SLC4A7: variants seen among roughly 807,000 people sequenced by gnomAD.
The protein encoded by SLC4A7 is sodium bicarbonate cotransporter 3.
In SLC4A7, 51 loss-of-function variants were observed where a neutral mutation model predicts 137.6. That is an observed-to-expected ratio of 0.37 (90% confidence interval 0.30 to 0.47). The LOEUF (loss-of-function observed/expected upper bound fraction) is 0.47, where lower values mean the gene tolerates loss of function less well. Among genes scored for constraint, SLC4A7 ranks in the 20% least tolerant of loss-of-function variants. SLC4A7 has a pLI of 1.00. For missense variants in SLC4A7, 1,247 were observed against 1,525.4 expected, an observed-to-expected ratio of 0.82 and a Z score of 3.04; for synonymous variants, 542 against 518.6, an observed-to-expected ratio of 1.05 and a Z score of -0.61.
chr3:27,386,242 T>C (rs899426631), intron 22 of SLC4A7, among the ~76,000 whole-genome samples: 3 of 149,694 alleles, frequency 2.0e-5, no homozygotes, highest in African/African-American at 4.9e-5. Context: ...AAAAAGGAAA[T>C]GGCATTCTTA....
At chr3:27,413,458 C>A (rs1158713384) in intron 11 of SLC4A7, among the ~76,000 whole-genome samples, 1 of 152,064 alleles carries the variant, frequency 6.6e-6, no homozygotes, top group African/African-American at 2.4e-5. Context: ...GTGAAGATGG[C>A]ACAAAAATCT....
At chr3:27,431,706 C>T (rs755515081) in intron 6 of SLC4A7, 37 bp from the exon 7 acceptor site, 11 of 1,495,120 alleles carry the variant, frequency 7.4e-6, no homozygotes, top group Non-Finnish European at 9.8e-6. Flanking sequence ...TGATGAAGTC[C>T]ACTGCAGAAG....
rs140531598 is a variant in SLC4A7 at position 27,460,393 on chromosome 3, A to C, written c.61-7895T>G. Among the ~76,000 whole-genome samples the C allele has an allele frequency of 2.8e-3, 433 of 152,306 alleles. 2 individuals carry two copies. The highest frequency in any genetic ancestry group is 0.01 in the African/African-American group (418 of 41,576). On this transcript the variant is annotated intron_variant, in intron 1 of 25. Transcript: ENST00000454389. ...ACATTCCATTCAATATTTATAATAA[A>C]GCCTTCTAAGCTCTGTCCTCTGGTT...
chr3:27,413,225 A>G (rs1006409446), intron 11 of SLC4A7, among the ~76,000 whole-genome samples: 1 of 152,174 alleles, frequency 6.6e-6, no homozygotes, highest in African/African-American at 2.4e-5. Flanking sequence ...ACCAAAACTG[A>G]CATCAGAAAA....
chr3:27,395,866 A>C (rs2052099216), intron 18 of SLC4A7, among the ~76,000 whole-genome samples: 1 of 152,254 alleles, frequency 6.6e-6, no homozygotes, highest in Admixed American at 6.5e-5. Flanking sequence ...AAACTGCTTT[A>C]GTCTAGTCCT....
chr3:27,470,802 C>T (rs1327165849), intron 1 of SLC4A7, among the ~76,000 whole-genome samples: 1 of 151,982 alleles, frequency 6.6e-6, no homozygotes, highest in African/African-American at 2.4e-5. Context: ...ATTAGCTGGG[C>T]GTGGTGGCAT....
chr3:27,482,670 G>A (rs990713603), intron 1 of SLC4A7, among the ~76,000 whole-genome samples: 2 of 152,178 alleles, frequency 1.3e-5, no homozygotes, highest in African/African-American at 2.4e-5. Flanking sequence ...TACTCCGGAG[G>A]CTGAGGCGGG....
chr3:27,425,428 G>C (rs2055476813), intron 7 of SLC4A7, among the ~76,000 whole-genome samples: 1 of 142,002 alleles, frequency 7.0e-6, no homozygotes. Flanking sequence ...TGTAATCCCA[G>C]CACTTTGGAA....
chr3:27,473,095 G>C (rs1254782972), intron 1 of SLC4A7, among the ~76,000 whole-genome samples: 2 of 150,780 alleles, frequency 1.3e-5, no homozygotes, highest in African/African-American at 4.9e-5. Flanking sequence ...AAAAAAAAAG[G>C]ATTAGAATCA....
intron 16 of SLC4A7, among the ~76,000 whole-genome samples, chr3:27,398,661 G>A (rs895098872): frequency 1.3e-5 from 2 of 152,068 alleles, no homozygotes; most frequent in African/African-American, 4.8e-5. Context: ...TGAAAGCCTT[G>A]TAGTGAGTAT....
intron 11 of SLC4A7, among the ~76,000 whole-genome samples, chr3:27,412,334 A>C (rs2053980747): frequency 6.6e-6 from 1 of 152,224 alleles, no homozygotes; most frequent in South Asian, 2.1e-4. Flanking sequence ...AACTTGTTAC[A>C]TCAAGAGATG....
intron 7 of SLC4A7, among the ~76,000 whole-genome samples, chr3:27,429,945 G>A (rs1188889461): frequency 6.6e-6 from 1 of 152,140 alleles, no homozygotes; most frequent in Admixed American, 6.5e-5. Context: ...GCTGGGCCTG[G>A]TGACTCACAC....
intron 1 of SLC4A7, among the ~76,000 whole-genome samples, chr3:27,474,727 C>G (rs1292250240): frequency 6.6e-6 from 1 of 152,140 alleles, no homozygotes; most frequent in Non-Finnish European, 1.5e-5. Flanking sequence ...GTGCGAGCCT[C>G]TGTCTCAAAA....
rs1238826483 is a variant in SLC4A7 at position 27,372,745 on chromosome 3, T to C, written c.*4019A>G. 1 of 152,604 alleles carries C rather than the reference T, an allele frequency of 6.6e-6. No homozygotes were observed. Among genetic ancestry groups the C allele is most frequent in the East Asian group, 1.9e-4 (1 of 5,192 alleles). 9.5% of individuals were successfully genotyped at this position (152,604 alleles called of 1,614,324 possible). A position where few individuals can be genotyped will look rare whatever the true frequency, so the allele number is the denominator to read the frequency against. ...AACTAATTAAGTAGACTTTTATTGC[T>C]CAATCAACTTCAGTAACATCTCCAA... On this transcript the variant is annotated 3_prime_UTR_variant, in exon 26 of 26. Transcript: ENST00000454389.
chr3:27,381,162 C>T (rs2050380042), intron 24 of SLC4A7, among the ~76,000 whole-genome samples: 1 of 152,168 alleles, frequency 6.6e-6, no homozygotes, highest in Non-Finnish European at 1.5e-5. Context: ...AACACAGCCA[C>T]ATTAATCATG....
chr3:27,478,511 C>CAA lies in SLC4A7; in HGVS notation c.60+5554_60+5555dup, dbSNP rs34313327. ...CCTGGGCAAAAGAGCGAGACTGCCT[C>CAA]AAAAAAAAAAAAAAAAAAACCCAAC... On this transcript the variant is annotated intron_variant, in intron 1 of 25. Transcript: ENST00000454389. 3.3e-3 allele frequency among the ~76,000 whole-genome samples: 287 copies of CAA among 86,016 alleles called. 3 individuals are homozygous for CAA. Among genetic ancestry groups the CAA allele is most frequent in the Middle Eastern group, 7.4e-3 (1 of 136 alleles). 56.4% of individuals were successfully genotyped at this position (86,016 alleles called of 152,430 possible). A position where few individuals can be genotyped will look rare whatever the true frequency, so the allele number is the denominator to read the frequency against.
chr3:27,470,670 C>T (rs752627197), intron 1 of SLC4A7, among the ~76,000 whole-genome samples: 37 of 149,992 alleles, frequency 2.5e-4, no homozygotes, highest in Non-Finnish European at 5.0e-4. Context: ...CAGCCAGGCA[C>T]GGTGGCTCAC....
chr3:27,437,577 A>G, intron 3 of SLC4A7, 51 bp from the exon 4 acceptor site: 1 of 1,265,598 alleles, frequency 7.9e-7, no homozygotes, highest in South Asian at 1.9e-5. Context: ...CAAGTCATTC[A>G]AAGATAAATT....
chr3:27,377,310 C>CTA (rs1374559941), intron 25 of SLC4A7, among the ~76,000 whole-genome samples: 1 of 152,050 alleles, frequency 6.6e-6, no homozygotes, highest in Non-Finnish European at 1.5e-5. Context: ...ACCAATACAT[C>CTA]TATTCTATAT....
Sources: allele counts gnomAD v4.1 joint callset (sites outside exome capture counted in the v4.1 genomes callset), GRCh38; gene constraint gnomAD v4.1.1; transcripts MANE v1.5; gene names NCBI Gene and HGNC (gene_info 2026-07-23, HGNC 2026-07-21).